Variants in ZNF638 observed in about 807,000 individuals in gnomAD.
The protein encoded by ZNF638 is zinc finger protein 638.
ZNF638 carries 46 observed loss-of-function variants against 195.6 expected under a neutral mutation model. The observed-to-expected ratio is 0.24, with a 90% CI of 0.19 to 0.30. ZNF638 has a LOEUF of 0.30. ZNF638 is among the 10% of genes least tolerant of loss of function. The pLI, the probability that ZNF638 is intolerant of heterozygous loss-of-function variation, is 1.00. For missense variants in ZNF638, 2,440 were observed against 2,325.3 expected (o/e 1.05, Z -1.01); for synonymous variants, 845 against 772.0 (o/e 1.09, Z -1.57).
In ZNF638 at chr2:71,426,593, C is replaced by G. The variant is rs1433627992; in HGVS notation, c.4724C>G (p.Ser1575Cys). ...RKETLKNVPFSELNLKKKKGK... is the reference protein window; with the variant it reads ...RKETLKNVPFCELNLKKKKGK... The stretch of plus-strand genomic sequence containing the variant: ...GAAACTCTCAAAAATGTTCCTTTCT[C>G]TGAACTTAACTTAAAGAAGAAAAAG... Residue 1575 changes from serine to cysteine, a missense_variant, in exon 24 of 28, where the codon TCT (serine) becomes TGT (cysteine). Physicochemically the swap from Ser to Cys is moderately radical, Grantham distance 112. This residue lies in a region of ZNF638 where 1,883 missense variants were observed against 1,739.1 expected (regional missense o/e 1.08). Transcript: ENST00000264447. The G allele has an allele frequency of 1.2e-6, 2 of 1,614,084 alleles. No individual in the cohort carries two copies. Among genetic ancestry groups the G allele is most frequent in the Admixed American group, 3.3e-5 (2 of 60,008 alleles).
intron 10 of ZNF638, among the ~76,000 whole-genome samples, chr2:71,389,843 T>C (rs2079733644): frequency 6.6e-6 from 1 of 152,180 alleles, no homozygotes; most frequent in Non-Finnish European, 1.5e-5. Context: ...AGTTGGCTTA[T>C]GAAAATGCTA....
At chr2:71,427,499 C>A in intron 24 of ZNF638, 85 bp downstream of exon 24, 3 of 999,718 alleles carry the variant, frequency 3.0e-6, no homozygotes, top group Non-Finnish European at 4.2e-6. Flanking sequence ...GTGGCATTAC[C>A]AATAATGTCA....
chr2:71,357,468 C>G (rs59445166), intron 3 of ZNF638, among the ~76,000 whole-genome samples: 1,959 of 152,212 alleles, frequency 0.013, 42 homozygotes, highest in African/African-American at 0.045. Flanking sequence ...AGTCGAAAAT[C>G]GAAAATCTCT....
chr2:71,345,928 G>C (rs1193780745), intron 1 of ZNF638, among the ~76,000 whole-genome samples: 1 of 152,186 alleles, frequency 6.6e-6, no homozygotes, highest in East Asian at 1.9e-4. Flanking sequence ...GAGTACTCTA[G>C]TATTCTGGAG....
In ZNF638 at chr2:71,368,467, G is replaced by A. The variant is rs2079246295; in HGVS notation, c.2081G>A (p.Arg694Lys). 1 of 1,613,534 alleles carries A rather than the reference G, an allele frequency of 6.2e-7. No individual in the cohort carries two copies. Among genetic ancestry groups the A allele is most frequent in the Non-Finnish European group, 8.5e-7 (1 of 1,179,756 alleles). Residue 694 changes from arginine to lysine, a missense_variant, in exon 7 of 28, where the codon AGA (arginine) becomes AAA (lysine). This residue lies in a region of ZNF638 where 1,883 missense variants were observed against 1,739.1 expected (regional missense o/e 1.08). Coordinates refer to ENST00000264447, the MANE Select transcript of ZNF638 (RefSeq NM_014497.5). ...GATGGTTGTACTGAAGAAGATGTGA[G>A]AAAATTATTTCAACCATTTGGGAAA... ...PEDGCTEEDV[R>K]KLFQPFGKVN...
At chr2:71,342,801 C>G (rs758594652) in intron 1 of ZNF638, among the ~76,000 whole-genome samples, 1 of 152,104 alleles carries the variant, frequency 6.6e-6, no homozygotes, top group Non-Finnish European at 1.5e-5. Flanking sequence ...GTTCCTAACA[C>G]TTTTTTTCTG....
Position 71,380,245 on chromosome 2 carries a change from T to A in ZNF638, c.2289T>A (p.Thr763=). 6.4e-7 allele frequency: 1 copy of A among 1,568,172 alleles called. No homozygotes were observed. Among genetic ancestry groups the A allele is most frequent in the East Asian group, 2.3e-5 (1 of 43,372 alleles). The change falls in exon 9 of 28, where the codon ACT becomes ACA. Residue 763 remains threonine (T), a synonymous_variant. Transcript: ENST00000264447. ...KAQNKEVKKK[T]LESKKVSAST... is the part of the protein sequence containing the mutation. ...AGAACAAAGAGGTGAAGAAAAAGAC[T>A]TTAGAGTCAAAGAAAGTATCTGCAT...
chr2:71,400,133 G>C lies in ZNF638; in HGVS notation c.2609G>C (p.Ser870Thr). ...GCAGAAAACTCTGAAATAAAGACCA[G>C]TATTGAAGTCAAAGCCACTGAAAAC... is the stretch of plus-strand genomic sequence containing the variant. The part of the protein sequence containing the change: ...TIPENSEIKT[S>T]IEVKATENCA... Residue 870 changes from serine (S) to threonine (T), a missense_variant, in exon 14 of 28, where the codon AGT becomes ACT. This residue lies in a region of ZNF638 where 1,883 missense variants were observed against 1,739.1 expected (regional missense o/e 1.08). Transcript: ENST00000264447. 6.2e-7 allele frequency: 1 copy of C among 1,609,294 alleles called. No homozygotes were observed. The highest frequency in any genetic ancestry group is 8.5e-7 in the Non-Finnish European group (1 of 1,178,090).
rs777229557 is a variant in ZNF638, at chr2:71,426,694, G to C, written c.4825G>C (p.Asp1609His). 6.2e-7 allele frequency: 1 copy of C among 1,614,204 alleles called. No individual in the cohort carries two copies. The highest frequency in any genetic ancestry group is 1.3e-5 in the African/African-American group (1 of 75,058). ...VTLDEIGEEEDAAAHLAQALV... is the reference protein window; with the variant it reads ...VTLDEIGEEEHAAAHLAQALV... The stretch of plus-strand genomic sequence containing the variant: ...ATTGGATGAGATTGGGGAAGAGGAA[G>C]ATGCAGCTGCACATCTAGCACAAGC... Residue 1609 changes from aspartate to histidine, a missense_variant, in exon 24 of 28, where the codon GAT becomes CAT. Physicochemically the swap from Asp to His is moderately conservative, Grantham distance 81. Transcript: ENST00000264447.
intron 20 of ZNF638, among the ~76,000 whole-genome samples, chr2:71,409,302 C>T (rs2080165285): frequency 6.6e-6 from 1 of 152,116 alleles, no homozygotes; most frequent in Non-Finnish European, 1.5e-5. Flanking sequence ...TAATAATCAA[C>T]TCTATATTAT....
At chr2:71,420,152 T>A (rs993153973) in intron 21 of ZNF638, among the ~76,000 whole-genome samples, 9 of 151,914 alleles carry the variant, frequency 5.9e-5, no homozygotes, top group Non-Finnish European at 1.3e-4. Flanking sequence ...GGCCTTGAAC[T>A]CCTGGGCACA....
chr2:71,418,050 C>T (rs2080340593), intron 20 of ZNF638, among the ~76,000 whole-genome samples: 1 of 152,198 alleles, frequency 6.6e-6, no homozygotes, highest in South Asian at 2.1e-4. Flanking sequence ...ACAGTGCTTG[C>T]CATATAGGGA....
rs149779407 is a variant in ZNF638 at position 71,427,161 on chromosome 2, T to C, written c.5292T>C (p.Asp1764=). The part of the protein sequence containing the change: ...VTEEDEDSLA[D]FNNLKEELNF... ...AAGAGGATGAAGACTCTCTGGCGGA[T>C]TTTAACAACCTTAAAGAAGAGCTTA... The change falls in exon 24 of 28, where the codon GAT becomes GAC. Residue 1764 remains aspartate (D), a synonymous_variant. Coordinates refer to ENST00000264447, the MANE Select transcript of ZNF638 (RefSeq NM_014497.5). The C allele has an allele frequency of 1.2e-6, 2 of 1,612,782 alleles. No individual in the cohort carries two copies. Among genetic ancestry groups the C allele is most frequent in the African/African-American group, 1.3e-5 (1 of 74,912 alleles).
chr2:71,356,794 A>ATT (rs972567815), intron 3 of ZNF638, among the ~76,000 whole-genome samples: 10 of 146,518 alleles, frequency 6.8e-5, no homozygotes, highest in African/African-American at 2.5e-4. Context: ...AAAAAAAAAA[A>ATT]TTTTTTTTTT....
intron 8 of ZNF638, among the ~76,000 whole-genome samples, chr2:71,373,698 G>A (rs1046554686): frequency 5.9e-5 from 9 of 151,788 alleles, no homozygotes; most frequent in South Asian, 2.1e-4. Flanking sequence ...GATTACAGGC[G>A]TGAGCCACCT....
In ZNF638 at chr2:71,426,611, A is replaced by G; in HGVS notation, c.4742A>G (p.Lys1581Arg). 6.2e-7 allele frequency: 1 copy of G among 1,614,192 alleles called. No individual in the cohort carries two copies. The highest frequency in any genetic ancestry group is 2.2e-5 in the East Asian group (1 of 44,878). ...NVPFSELNLK[K>R]KKGKTSTPRG... ...CCTTTCTCTGAACTTAACTTAAAGAAGAAAAAGGGGAAAACTTCCACTCCT... is the reference window on the plus strand; with the variant it reads ...CCTTTCTCTGAACTTAACTTAAAGAGGAAAAAGGGGAAAACTTCCACTCCT... The change falls in exon 24 of 28, where the codon AAG becomes AGG. Residue 1581 changes from lysine (K) to arginine (R), a missense_variant. Lys to Arg is a conservative substitution (Grantham distance 26). Coordinates refer to ENST00000264447, the MANE Select transcript of ZNF638 (RefSeq NM_014497.5).
At chr2:71,364,366 T>G in intron 5 of ZNF638, 114 bp downstream of exon 5, 1 of 1,164,248 alleles carries the variant, frequency 8.6e-7, no homozygotes, top group Non-Finnish European at 1.2e-6. Context: ...AGTTGATAAA[T>G]GAAATCTGAC....
At chr2:71,384,750 C>A (rs1281811169) in intron 10 of ZNF638, among the ~76,000 whole-genome samples, 1 of 152,072 alleles carries the variant, frequency 6.6e-6, no homozygotes, top group Non-Finnish European at 1.5e-5. Context: ...TTTCTTTTTA[C>A]CTTTTCAGTT....
intron 10 of ZNF638, among the ~76,000 whole-genome samples, chr2:71,389,547 A>T (rs368026367): frequency 6.6e-6 from 1 of 152,148 alleles, no homozygotes; most frequent in Admixed American, 6.5e-5. Flanking sequence ...ACCAGAATCA[A>T]TTGGCCGGGC....
Sources: allele counts gnomAD v4.1 joint callset (sites outside exome capture counted in the v4.1 genomes callset), GRCh38; gene constraint gnomAD v4.1.1; regional missense constraint gnomAD v4.1.1; transcripts MANE v1.5; gene names NCBI Gene and HGNC (gene_info 2026-07-23, HGNC 2026-07-21).